The following PNN variants were observed in gnomAD, a reference collection of about 807,000 sequenced individuals.
The protein encoded by PNN is pinin.
PNN carries 38 observed loss-of-function variants against 76.6 expected under a neutral mutation model. The ratio of observed to expected loss-of-function variants is 0.50; its 90% CI spans 0.38 to 0.65. The LOEUF (loss-of-function observed/expected upper bound fraction) is 0.65. PNN is among the 30% of genes least tolerant of loss of function. The pLI is 0.00. For missense variants in PNN, 873 were observed against 874.1 expected (o/e 1.00, Z 0.02); for synonymous variants, 366 against 283.7 (o/e 1.29, Z -2.91).
intron 3 of PNN, among the ~76,000 whole-genome samples, chr14:39,176,861 A>AT (rs1281484223): frequency 6.6e-6 from 1 of 152,134 alleles, no homozygotes; most frequent in Non-Finnish European, 1.5e-5. Flanking sequence ...AATTAGTACC[A>AT]TTTTTTCTGA....
rs1230624168 is a variant in PNN at position 39,182,247 on chromosome 14, C to T, written c.*384C>T. 6.3e-6 allele frequency: 1 copy of T among 158,976 alleles called. No homozygotes were observed. Among genetic ancestry groups the T allele is most frequent in the African/African-American group, 2.4e-5 (1 of 41,464 alleles). 9.8% of individuals were successfully genotyped at this position (158,976 alleles called of 1,614,324 possible). ...TGTAGAAATAAATGTGTGTTTATTT[C>T]ATTATTTTTGGGATGTCCTCGTTGA... is the stretch of plus-strand genomic sequence containing the variant. On this transcript the variant is annotated 3_prime_UTR_variant, in exon 9 of 9. Coordinates refer to ENST00000216832, the MANE Select transcript of PNN (RefSeq NM_002687.4).
chr14:39,178,992 G>T (rs1207392069), intron 6 of PNN, 99 bp from the exon 7 acceptor site: 1 of 1,086,636 alleles, frequency 9.2e-7, no homozygotes, highest in African/African-American at 1.6e-5. Flanking sequence ...TAATTAGTAT[G>T]TGTAATAACT....
chr14:39,175,667 GCT>G (rs1265915026), intron 1 of PNN: 5 of 495,340 alleles, frequency 1.0e-5, no homozygotes, highest in African/African-American at 1.0e-4. Flanking sequence ...GCTGATTCCC[GCT>G]CTCGGCCCTG....
At position 39,181,935 on chromosome 14, in the gene PNN, T is replaced by C; in HGVS notation, c.*72T>C. On this transcript the variant is annotated 3_prime_UTR_variant, in exon 9 of 9. Coordinates refer to ENST00000216832, the MANE Select transcript of PNN (RefSeq NM_002687.4). Reference sequence around the variant, plus strand: ...CTTGATAAAAAAGGATTACCTTTCCTTGTAAAGAGGATGCTGCCTTAAGAA... The same window carrying C: ...CTTGATAAAAAAGGATTACCTTTCCCTGTAAAGAGGATGCTGCCTTAAGAA... 1 of 1,436,342 alleles carries C rather than the reference T, an allele frequency of 7.0e-7. No individual in the cohort carries two copies. The highest frequency in any genetic ancestry group is 1.4e-5 in the South Asian group (1 of 69,962). 89.0% of individuals were successfully genotyped at this position (1,436,342 alleles called of 1,614,324 possible).
chr14:39,178,577 CTTTT>C (rs2053246746), intron 6 of PNN, among the ~76,000 whole-genome samples: 1 of 148,790 alleles, frequency 6.7e-6, no homozygotes, highest in African/African-American at 2.5e-5. Flanking sequence ...TTTTTTTTTT[CTTTT>C]TCTTTTTTTT....
chr14:39,175,738 C>T, intron 1 of PNN: 2 of 464,200 alleles, frequency 4.3e-6, no homozygotes, highest in Middle Eastern at 5.8e-4. Flanking sequence ...CGGCCCGTTG[C>T]TGGCCCCGAG....
rs909115323 is a variant in PNN at position 39,177,463 on chromosome 14, G to A, written c.306G>A (p.Pro102=). 20 of 1,613,744 alleles carry A rather than the reference G, an allele frequency of 1.2e-5. No homozygotes were observed. The highest frequency in any genetic ancestry group is 1.1e-4 in the African/African-American group (8 of 74,904). ...TRRESRQESD[P]EDDDVKKPAL... The stretch of plus-strand genomic sequence containing the variant: ...GAGAATCACGCCAGGAAAGCGACCC[G>A]GAGGATGATGATGTTAAAAAGGTAT... The change falls in exon 4 of 9, where the codon CCG becomes CCA. Residue 102 remains proline, a synonymous_variant. Coordinates refer to ENST00000216832, the MANE Select transcript of PNN (RefSeq NM_002687.4).
At chr14:39,177,263 G>C (rs573759674) in intron 3 of PNN, 149 bp from the exon 4 acceptor site, 1 of 625,052 alleles carries the variant, frequency 1.6e-6, no homozygotes, top group African/African-American at 1.8e-5. Context: ...GCTCACGCCT[G>C]TAGTCCCAGC....
At chr14:39,176,298 AAT>A in intron 2 of PNN, 149 bp downstream of exon 2, 1 of 637,080 alleles carries the variant, frequency 1.6e-6, no homozygotes, top group East Asian at 2.8e-5. Context: ...TTTCTGTATA[AAT>A]ATAGTTATCC....
intron 6 of PNN, among the ~76,000 whole-genome samples, chr14:39,178,378 A>G (rs2053245123): frequency 1.3e-5 from 2 of 152,164 alleles, no homozygotes. Context: ...CTAAAAATAC[A>G]AAATTAGCCG....
chr14:39,177,752 T>C, intron 5 of PNN, 65 bp downstream of exon 5: 1 of 1,458,708 alleles, frequency 6.9e-7, no homozygotes, highest in Middle Eastern at 1.7e-4. Flanking sequence ...CAAGGGATTG[T>C]TCAAGCATCC....
Position 39,181,996 on chromosome 14 carries a change from A to G in PNN, c.*133A>G. ...TAAAAAATCTTTTTGGAAAATACAG[A>G]CTGTTTGTTTACCAGACATTCTTGT... is the stretch of plus-strand genomic sequence containing the variant. On this transcript the variant is annotated 3_prime_UTR_variant, in exon 9 of 9. Coordinates refer to ENST00000216832, the MANE Select transcript of PNN (RefSeq NM_002687.4). 2 of 838,028 alleles carry G rather than the reference A, an allele frequency of 2.4e-6. No homozygotes were observed. Among genetic ancestry groups the G allele is most frequent in the South Asian group, 2.2e-5 (1 of 45,390 alleles). 51.9% of individuals were successfully genotyped at this position (838,028 alleles called of 1,614,324 possible).
Position 39,181,126 on chromosome 14 carries a change from G to C in PNN, c.1417G>C (p.Val473Leu), listed in dbSNP as rs760452248. 6.2e-7 allele frequency: 1 copy of C among 1,610,178 alleles called. No individual in the cohort carries two copies. Among genetic ancestry groups the C allele is most frequent in the East Asian group, 2.2e-5 (1 of 44,882 alleles). Residue 473 changes from valine to leucine, a missense_variant, in exon 9 of 9, where the codon GTG (valine) becomes CTG (leucine). Physicochemically the swap from Val to Leu is conservative, Grantham distance 32. Coordinates refer to ENST00000216832, the MANE Select transcript of PNN (RefSeq NM_002687.4). ...AGAATCTGAGCCCCAACCTGAGCCT[G>C]TGGCTCAACCTCAGCCTCAGTCTCA... Reference protein sequence around the residue: ...EKESEPQPEPVAQPQPQSQPQ... With the variant: ...EKESEPQPEPLAQPQPQSQPQ...
chr14:39,178,226 C>A (rs559128474), intron 6 of PNN, among the ~76,000 whole-genome samples: 1 of 152,212 alleles, frequency 6.6e-6, no homozygotes, highest in South Asian at 2.1e-4. Context: ...TAGTTGGTAT[C>A]CTGAATTGAA....
Position 39,182,889 on chromosome 14 carries a change from G to T in PNN, c.*1026G>T, listed in dbSNP as rs961903208. Reference sequence around the variant, plus strand: ...TTTTACAAATTTGTATGAACTTGGAGTATCTGTTGGCCATTACTATACATG... The same window carrying T: ...TTTTACAAATTTGTATGAACTTGGATTATCTGTTGGCCATTACTATACATG... On this transcript the variant is annotated 3_prime_UTR_variant, in exon 9 of 9. Coordinates refer to ENST00000216832, the MANE Select transcript of PNN (RefSeq NM_002687.4). 1 of 152,662 alleles carries T rather than the reference G, an allele frequency of 6.6e-6. No individual in the cohort carries two copies. The highest frequency in any genetic ancestry group is 6.5e-5 in the Admixed American group (1 of 15,286). 9.5% of individuals were successfully genotyped at this position (152,662 alleles called of 1,614,324 possible).
chr14:39,178,923 T>C (rs1294317199), intron 6 of PNN, 168 bp from the exon 7 acceptor site: 2 of 600,632 alleles, frequency 3.3e-6, no homozygotes, highest in African/African-American at 1.9e-5. Flanking sequence ...GTGTTTTTAG[T>C]AGAGATGGTG....
At chr14:39,180,384 A>G (rs776931482) in intron 8 of PNN, 119 bp from the exon 9 acceptor site, 7 of 1,095,738 alleles carry the variant, frequency 6.4e-6, no homozygotes, top group South Asian at 1.9e-5. Flanking sequence ...ATCTTTTGTC[A>G]TAACTTTACA....
Position 39,181,347 on chromosome 14 carries a change from G to A in PNN, c.1638G>A (p.Leu546=). 1 of 1,614,214 alleles carries A rather than the reference G, an allele frequency of 6.2e-7. No homozygotes were observed. Among genetic ancestry groups the A allele is most frequent in the East Asian group, 2.2e-5 (1 of 44,890 alleles). ...CTGAGGTACCAGTAGAGCCAGTCTTGACAGTACATCCAGAGAGCAAGAGCA... is the reference window on the plus strand; with the variant it reads ...CTGAGGTACCAGTAGAGCCAGTCTTAACAGTACATCCAGAGAGCAAGAGCA... ...KLTEVPVEPV[L]TVHPESKSKT... Residue 546 remains leucine, a synonymous_variant, in exon 9 of 9, where the codon TTG becomes TTA. Coordinates refer to ENST00000216832, the MANE Select transcript of PNN (RefSeq NM_002687.4).
intron 4 of PNN, 22 bp downstream of exon 4, chr14:39,177,506 A>G (rs45612437): frequency 1.2e-5 from 19 of 1,605,572 alleles, no homozygotes; most frequent in Non-Finnish European, 1.6e-5. Flanking sequence ...GAAAGAACTT[A>G]AATGAATGTA....
Sources: allele counts gnomAD v4.1 joint callset (sites outside exome capture counted in the v4.1 genomes callset), GRCh38; gene constraint gnomAD v4.1.1; transcripts MANE v1.5; gene names NCBI Gene and HGNC (gene_info 2026-07-23, HGNC 2026-07-21).